The following GOLPH3L variants were observed in gnomAD, a reference collection of about 807,000 sequenced individuals.
GOLPH3L encodes the protein golgi phosphoprotein 3 like, also known as Golgi phosphoprotein 3-like.
GOLPH3L carries 22 observed loss-of-function variants against 30.3 expected under a neutral mutation model. The observed-to-expected ratio is 0.73, with a 90% CI of 0.52 to 1.04. The LOEUF (loss-of-function observed/expected upper bound fraction) is 1.04. Ranked by LOEUF, GOLPH3L falls within the 50% of genes least tolerant of loss-of-function variation. The pLI is 0.00. For synonymous variants in GOLPH3L, 120 were observed against 128.2 expected, an observed-to-expected ratio of 0.94 and a Z score of 0.43; for missense variants, 303 against 345.8, an observed-to-expected ratio of 0.88 and a Z score of 0.98.
At chr1:150,665,750 C>T (rs1019550541) in intron 2 of GOLPH3L, among the ~76,000 whole-genome samples, 1 of 151,948 alleles carries the variant, frequency 6.6e-6, no homozygotes, top group Non-Finnish European at 1.5e-5. Flanking sequence ...TACACAGGTG[C>T]TTACGAATTT....
Position 150,692,146 on chromosome 1 carries a change from T to C in GOLPH3L, c.183+2510A>G, listed in dbSNP as rs763754749. ...TTGATTAAATGAATCTATTGATAGTTTGAGAGATAAGAAAAAAATAAGTAC... is the reference window on the plus strand; with the variant it reads ...TTGATTAAATGAATCTATTGATAGTCTGAGAGATAAGAAAAAAATAAGTAC... On this transcript the variant is annotated intron_variant, in intron 2 of 4. Transcript: ENST00000271732. Among the ~76,000 whole-genome samples the C allele has an allele frequency of 2.6e-5, 4 of 152,208 alleles. No homozygotes were observed. The East Asian group carries it at 7.7e-4, about 29-fold the overall frequency.
chr1:150,649,352 A>C (rs1280735841), intron 4 of GOLPH3L, among the ~76,000 whole-genome samples: 1 of 152,210 alleles, frequency 6.6e-6, no homozygotes, highest in Non-Finnish European at 1.5e-5. Flanking sequence ...TCTGCCCAGG[A>C]GGGAAGGAAG....
At chr1:150,667,779 A>G (rs1650543713) in intron 2 of GOLPH3L, among the ~76,000 whole-genome samples, 1 of 151,804 alleles carries the variant, frequency 6.6e-6, no homozygotes, top group South Asian at 2.1e-4. Context: ...TATTTTTGGT[A>G]GAGATGGGGT....
At position 150,694,818 on chromosome 1, in the gene GOLPH3L, C is replaced by T; in HGVS notation, c.21G>A (p.Arg7=). Residue 7 remains arginine (R), a synonymous_variant, in exon 2 of 5, where the codon CGG becomes CGA. Transcript: ENST00000271732. The part of the protein sequence containing the change: MTTLTH[R]ARRTEISKNS... ...TCTTGCTTATTTCAGTGCGACGGGC[C>T]CGGTGAGTTAAAGTGGTCATTCTCA... 6.2e-7 allele frequency: 1 copy of T among 1,610,458 alleles called. No homozygotes were observed. Among genetic ancestry groups the T allele is most frequent in the East Asian group, 2.2e-5 (1 of 44,832 alleles).
intron 2 of GOLPH3L, among the ~76,000 whole-genome samples, chr1:150,680,900 G>A (rs1557787666): frequency 1.3e-5 from 2 of 152,242 alleles, no homozygotes; most frequent in African/African-American, 2.4e-5. Context: ...TGTAATCCCA[G>A]CACTTTGGGA....
chr1:150,696,715 C>T (rs777718822), intron 1 of GOLPH3L, among the ~76,000 whole-genome samples: 2 of 140,036 alleles, frequency 1.4e-5, no homozygotes, highest in Non-Finnish European at 3.0e-5. Context: ...CTTAAGCGCA[C>T]TAAGCCTATC....
At chr1:150,683,531 C>CAAAAAA (rs35646727) in intron 2 of GOLPH3L, among the ~76,000 whole-genome samples, 2 of 55,596 alleles carry the variant, frequency 3.6e-5, no homozygotes, top group Non-Finnish European at 6.6e-5. Flanking sequence ...GACTCTGTCT[C>CAAAAAA]AAAAAAAAAA....
intron 2 of GOLPH3L, among the ~76,000 whole-genome samples, chr1:150,669,091 CT>C (rs1464439505): frequency 2.0e-5 from 3 of 152,052 alleles, no homozygotes; most frequent in African/African-American, 4.8e-5. Context: ...GAGTTTTTAA[CT>C]TTTTTATTAA....
chr1:150,655,002 C>T (rs867857257), intron 4 of GOLPH3L, among the ~76,000 whole-genome samples: 4 of 152,008 alleles, frequency 2.6e-5, no homozygotes, highest in Non-Finnish European at 4.4e-5. Context: ...GCCAGGAGAG[C>T]GTATAGCACA....
At chr1:150,658,258 G>A (rs1452541732) in intron 4 of GOLPH3L, among the ~76,000 whole-genome samples, 1 of 152,214 alleles carries the variant, frequency 6.6e-6, no homozygotes, top group African/African-American at 2.4e-5. Context: ...ACAGATGGAG[G>A]AAGAAAACCT....
intron 2 of GOLPH3L, among the ~76,000 whole-genome samples, chr1:150,688,835 C>T (rs749813730): frequency 1.3e-5 from 2 of 152,146 alleles, no homozygotes; most frequent in Non-Finnish European, 2.9e-5. Flanking sequence ...CTGCTCCTTC[C>T]CACCACCCAT....
intron 2 of GOLPH3L, among the ~76,000 whole-genome samples, chr1:150,692,390 CTATTATT>C (rs764534599): frequency 1.3e-5 from 2 of 151,970 alleles, no homozygotes; most frequent in African/African-American, 2.4e-5. Context: ...TTGTTATGTG[CTATTATT>C]TATTATTTTT....
intron 4 of GOLPH3L, among the ~76,000 whole-genome samples, chr1:150,654,592 T>C (rs998952168): frequency 1.3e-5 from 2 of 152,114 alleles, no homozygotes; most frequent in African/African-American, 4.8e-5. Flanking sequence ...CCTGTTAGGA[T>C]ACACCCTCCA....
chr1:150,689,131 CACAGTG>C (rs1228981447), intron 2 of GOLPH3L, among the ~76,000 whole-genome samples: 2 of 151,982 alleles, frequency 1.3e-5, no homozygotes, highest in African/African-American at 4.8e-5. Context: ...CAATTTTTAC[CACAGTG>C]ACATGAGAAA....
chr1:150,672,848 G>A (rs1227434321), intron 2 of GOLPH3L, among the ~76,000 whole-genome samples: 4 of 152,222 alleles, frequency 2.6e-5, no homozygotes, highest in African/African-American at 7.2e-5. Context: ...GCCTGATCGT[G>A]AGGAAGGGAT....
At chr1:150,655,908 A>G (rs1650228479) in intron 4 of GOLPH3L, among the ~76,000 whole-genome samples, 2 of 152,206 alleles carry the variant, frequency 1.3e-5, no homozygotes, top group African/African-American at 4.8e-5. Flanking sequence ...GATTTAAAAG[A>G]CTGTTTCTTT....
intron 4 of GOLPH3L, among the ~76,000 whole-genome samples, chr1:150,651,642 C>CAAAAAAAAAAAAAAAAAAAAAAAAACA (rs59940841): frequency 1.6e-4 from 10 of 60,856 alleles, no homozygotes; most frequent in East Asian, 9.2e-4. Flanking sequence ...GAGCGAAACT[C>CAAAAAAAAAAAAAAAAAAAAAAAAACA]AAAAAAAAAA....
intron 4 of GOLPH3L, among the ~76,000 whole-genome samples, chr1:150,650,068 C>T (rs776582440): frequency 5.9e-5 from 9 of 151,844 alleles, no homozygotes; most frequent in Non-Finnish European, 1.3e-4. Context: ...GTACTCTCTC[C>T]GAGAAGAAAT....
At chr1:150,689,739 G>A (rs587649462) in intron 2 of GOLPH3L, among the ~76,000 whole-genome samples, 85 of 152,102 alleles carry the variant, frequency 5.6e-4, no homozygotes, top group African/African-American at 1.8e-3. Context: ...CTGCCTCTTG[G>A]GTTCAAGAGA....
Sources: allele counts gnomAD v4.1 joint callset (sites outside exome capture counted in the v4.1 genomes callset), GRCh38; gene constraint gnomAD v4.1.1; transcripts MANE v1.5; gene names NCBI Gene and HGNC (gene_info 2026-07-23, HGNC 2026-07-21).